DMD: variants seen among roughly 807,000 people sequenced by gnomAD.
DMD encodes the protein mutant dystrophin.
A neutral mutation model predicts 330.1 loss-of-function variants in DMD; 63 were observed. That is an observed-to-expected ratio of 0.19 (90% CI 0.16 to 0.24). The LOEUF (loss-of-function observed/expected upper bound fraction) is 0.24. Ranked by LOEUF, DMD falls within the 10% of genes least tolerant of loss-of-function variation. The pLI is 1.00. For missense variants in DMD, 3,344 were observed against 2,684.1 expected (o/e 1.25, Z -5.43); for synonymous variants, 1,223 against 959.8 (o/e 1.27, Z -5.07).
chrX:32,274,352 CT>C (rs781731908), intron 43 of DMD, among the ~76,000 whole-genome samples: 305 of 111,839 alleles, frequency 2.7e-3, no homozygotes, highest in African/African-American at 9.3e-3. Flanking sequence ...ATGGCTAACT[CT>C]GAGATTATGT....
chrX:32,819,568 G>C, intron 5 of DMD, among the ~76,000 whole-genome samples: 1 of 111,776 alleles, frequency 8.9e-6, no homozygotes, highest in East Asian at 2.8e-4. Context: ...ACTGTTTTAG[G>C]CTAGCAATTT....
intron 76 of DMD, among the ~76,000 whole-genome samples, chrX:31,143,394 C>T (rs2036315800): frequency 9.0e-6 from 1 of 111,502 alleles, no homozygotes; most frequent in African/African-American, 3.3e-5. Context: ...CACCTTCCCC[C>T]ATGATTGTAA....
intron 50 of DMD, among the ~76,000 whole-genome samples, chrX:31,790,449 A>C: frequency 8.9e-6 from 1 of 112,106 alleles, no homozygotes; most frequent in East Asian, 2.8e-4. Flanking sequence ...TTAGTGAATC[A>C]GATTTATTAT....
chrX:31,213,905 A>G (rs1458471079), intron 64 of DMD, among the ~76,000 whole-genome samples: 1 of 112,578 alleles, frequency 8.9e-6, no homozygotes, highest in Non-Finnish European at 1.9e-5. Context: ...TCAACAAGCT[A>G]CGCTTGGTTG....
At chrX:33,275,014 C>T (rs950257058) in intron 1 of DMD, among the ~76,000 whole-genome samples, 15 of 111,603 alleles carry the variant, frequency 1.3e-4, no homozygotes, top group Non-Finnish European at 1.3e-4. Flanking sequence ...TATGCTCTCC[C>T]GCACAATGGC....
intron 50 of DMD, among the ~76,000 whole-genome samples, chrX:31,805,664 A>C (rs113366486): frequency 1.2e-4 from 14 of 112,002 alleles, no homozygotes; most frequent in African/African-American, 4.2e-4. Context: ...GAACACTCTT[A>C]AGAGTTGTAC....
intron 67 of DMD, among the ~76,000 whole-genome samples, chrX:31,191,112 A>G (rs1440206019): frequency 2.7e-5 from 3 of 112,041 alleles, no homozygotes; most frequent in Non-Finnish European, 5.6e-5. Flanking sequence ...CAGGATAAAC[A>G]GTTGCAGAAA....
intron 44 of DMD, among the ~76,000 whole-genome samples, chrX:31,988,767 G>T (rs1209808536): frequency 9.1e-6 from 1 of 109,577 alleles, no homozygotes; most frequent in African/African-American, 3.3e-5. Context: ...TCACGTTCTT[G>T]TGCTCTCATT....
At chrX:33,131,868 A>T (rs1260897721) in intron 1 of DMD, among the ~76,000 whole-genome samples, 2 of 112,079 alleles carry the variant, frequency 1.8e-5, no homozygotes, top group Non-Finnish European at 3.8e-5. Context: ...TCAGTACTTC[A>T]GGGGAAAGCG....
intron 16 of DMD, 138 bp from the exon 17 acceptor site, chrX:32,545,472 T>C (rs1052245396): frequency 2.1e-5 from 12 of 581,791 alleles, no homozygotes; most frequent in Admixed American, 6.3e-5. Flanking sequence ...TAGCACCATA[T>C]TGAAGCCAAA....
Position 33,184,943 on chromosome X carries a change from C to T in DMD, c.31+26339G>A, listed in dbSNP as rs778071994. On this transcript the variant is annotated intron_variant, in intron 1 of 78. Coordinates refer to ENST00000357033, the MANE Select transcript of DMD (RefSeq NM_004006.3). ...TTCACCATGTTGGTCAGGCTGGTCT[C>T]GAACTCCTGACCTCGTGATGCTCCC... 3.7e-5 allele frequency among the ~76,000 whole-genome samples: 4 copies of T among 109,331 alleles called. No homozygotes were observed. In the East Asian group the frequency reaches 8.7e-4, roughly 24 times the overall value. 94.9% of individuals were successfully genotyped at this position (109,331 alleles called of 115,157 possible).
chrX:32,950,295 C>T (rs1299504708), intron 2 of DMD, among the ~76,000 whole-genome samples: 1 of 111,113 alleles, frequency 9.0e-6, no homozygotes, highest in Non-Finnish European at 1.9e-5. Flanking sequence ...CTATTTAATT[C>T]TCATAGAAAT....
intron 44 of DMD, among the ~76,000 whole-genome samples, chrX:32,148,737 A>C (rs1280493712): frequency 1.8e-5 from 2 of 111,994 alleles, no homozygotes; most frequent in East Asian, 5.6e-4. Context: ...CTAACTAAGT[A>C]CAGTTTCTAG....
At chrX:33,121,084 G>A (rs1449855998) in intron 1 of DMD, among the ~76,000 whole-genome samples, 1 of 109,798 alleles carries the variant, frequency 9.1e-6, no homozygotes, top group Non-Finnish European at 1.9e-5. Context: ...CATATTTTAT[G>A]TTGGTTAATA....
chrX:31,570,937 C>T (rs959978840), intron 55 of DMD, among the ~76,000 whole-genome samples: 8 of 111,687 alleles, frequency 7.2e-5, no homozygotes, highest in African/African-American at 1.6e-4. Context: ...TTTTAATATT[C>T]TCACAGCCTG....
At chrX:31,600,454 T>C (rs1382388826) in intron 55 of DMD, among the ~76,000 whole-genome samples, 1 of 109,903 alleles carries the variant, frequency 9.1e-6, no homozygotes, top group African/African-American at 3.3e-5. Context: ...TTACTATATT[T>C]ATCTGGATTC....
rs59195554 is a variant in DMD, at chrX:32,999,774, TCAAAAA to T, written c.93+20359_93+20364del. Among the ~76,000 whole-genome samples, 15 of 93,065 alleles carry T rather than the reference TCAAAAA, an allele frequency of 1.6e-4. No individual in the cohort carries two copies. In the South Asian group the frequency reaches 2.1e-3, roughly 13 times the overall value. The allele number at this position is 93,065 out of a possible 115,157, so 80.8% of individuals were successfully genotyped here. A position where few individuals can be genotyped will look rare whatever the true frequency, so the allele number is the denominator to read the frequency against. On this transcript the variant is annotated intron_variant, in intron 2 of 78. Coordinates refer to ENST00000357033, the MANE Select transcript of DMD (RefSeq NM_004006.3). Reference sequence around the variant, plus strand: ...CTGGGTGACAGAGCGAGACTCCATCTCAAAAACAAAAACAAAAACAAAAACAAAAAA... The same window carrying T: ...CTGGGTGACAGAGCGAGACTCCATCTCAAAAACAAAAACAAAAACAAAAAA...
intron 52 of DMD, among the ~76,000 whole-genome samples, 165 bp from the exon 53 acceptor site, chrX:31,679,751 T>G (rs2082273841): frequency 8.9e-6 from 1 of 112,597 alleles, no homozygotes; most frequent in Admixed American, 9.4e-5. Context: ...GCTTTTTTGA[T>G]GGCAAATATT....
At chrX:33,010,480 C>T (rs963879461) in intron 2 of DMD, among the ~76,000 whole-genome samples, 1 of 110,118 alleles carries the variant, frequency 9.1e-6, no homozygotes, top group African/African-American at 3.3e-5. Context: ...TGACATGACA[C>T]ACAAAGGAAA....
Sources: gnomAD v4.1 joint callset for allele counts (sites outside exome capture counted in the v4.1 genomes callset) on GRCh38, gnomAD v4.1.1 for gene constraint, MANE v1.5 for transcripts, NCBI Gene and HGNC (gene_info 2026-07-23, HGNC 2026-07-21) for gene names.